Variants in PMFBP1 observed in about 807,000 individuals in gnomAD.
The protein encoded by PMFBP1 is polyamine-modulated factor 1-binding protein 1.
PMFBP1 carries 131 observed loss-of-function variants against 137.8 expected under a neutral mutation model. The observed-to-expected ratio is 0.95, with a 90% confidence interval of 0.82 to 1.10. PMFBP1 has a LOEUF of 1.10. PMFBP1 is among the 50% of genes least tolerant of loss of function. The pLI is 0.00. For missense variants in PMFBP1, 1,199 were observed against 1,175.4 expected (o/e 1.02, Z -0.29); for synonymous variants, 490 against 450.4 (o/e 1.09, Z -1.11).
At chr16:72,189,195 T>C in the PMFBP1 span, among the ~76,000 whole-genome samples, 2 of 152,108 alleles carry the variant, frequency 1.3e-5, no homozygotes, top group African/African-American at 4.8e-5. Context: ...CATTCTACAG[T>C]TGAGGAAACT....
intron 5 of PMFBP1, among the ~76,000 whole-genome samples, chr16:72,143,795 C>T (rs1379599804): frequency 5.3e-5 from 8 of 151,968 alleles, no homozygotes. Flanking sequence ...AATCCCAGCA[C>T]TTTGGGAGGC....
the PMFBP1 span, among the ~76,000 whole-genome samples, chr16:72,197,453 A>T: frequency 6.6e-6 from 1 of 152,156 alleles, no homozygotes; most frequent in Admixed American, 6.5e-5. Flanking sequence ...AGGCATATAC[A>T]CACTTAAATA....
At chr16:72,237,559 T>C in the PMFBP1 span, among the ~76,000 whole-genome samples, 1 of 152,250 alleles carries the variant, frequency 6.6e-6, no homozygotes, top group South Asian at 2.1e-4. Flanking sequence ...AATTTCTTTT[T>C]AAAAAATTTT....
chr16:72,215,462 A>C, the PMFBP1 span, among the ~76,000 whole-genome samples: 1 of 152,172 alleles, frequency 6.6e-6, no homozygotes, highest in Admixed American at 6.5e-5. Flanking sequence ...ATAATAGAAC[A>C]ACCTTCAAAA....
intron 14 of PMFBP1, among the ~76,000 whole-genome samples, chr16:72,127,111 G>A (rs1164899071): frequency 6.6e-6 from 1 of 152,166 alleles, no homozygotes; most frequent in Non-Finnish European, 1.5e-5. Flanking sequence ...GTATTCTTTG[G>A]TATTCTAGCA....
Position 72,164,846 on chromosome 16 carries a change from T to A in PMFBP1, c.83A>T (p.Asn28Ile). The change falls in exon 3 of 21, where the codon AAT becomes ATT. Residue 28 changes from asparagine (N) to isoleucine (I), a missense_variant. Transcript: ENST00000237353. ...CTGTCTCTTGCAGACATCGTGCAGATTCTTGATGTCAAGTTGCAGGCTTAA... is the reference window on the plus strand; with the variant it reads ...CTGTCTCTTGCAGACATCGTGCAGAATCTTGATGTCAAGTTGCAGGCTTAA... ...KLLSLQLDIK[N>I]LHDVCKRQRK... 6.2e-7 allele frequency: 1 copy of A among 1,610,212 alleles called. No homozygotes were observed. Among genetic ancestry groups the A allele is most frequent in the Non-Finnish European group, 8.5e-7 (1 of 1,176,708 alleles).
At chr16:72,193,724 GAAA>G in the PMFBP1 span, among the ~76,000 whole-genome samples, 2 of 134,796 alleles carry the variant, frequency 1.5e-5, no homozygotes, top group Non-Finnish European at 1.6e-5. Context: ...TATCAGTGAG[GAAA>G]AAAAAAAAAA....
At chr16:72,160,407 T>C (rs1260067816) in intron 3 of PMFBP1, among the ~76,000 whole-genome samples, 1 of 152,224 alleles carries the variant, frequency 6.6e-6, no homozygotes, top group East Asian at 1.9e-4. Flanking sequence ...AATAATCACT[T>C]GCAGCTATGT....
At chr16:72,234,034 T>C in the PMFBP1 span, among the ~76,000 whole-genome samples, 2 of 152,216 alleles carry the variant, frequency 1.3e-5, no homozygotes, top group African/African-American at 4.8e-5. Context: ...AATTTTGCTA[T>C]GAGGTTTCCT....
chr16:72,187,584 A>G, the PMFBP1 span, among the ~76,000 whole-genome samples: 1 of 152,100 alleles, frequency 6.6e-6, no homozygotes, highest in African/African-American at 2.4e-5. Flanking sequence ...CCTTTTTCCT[A>G]TAGCGGTTCT....
the PMFBP1 span, chr16:72,224,737 G>A: frequency 2.0e-5 from 3 of 152,262 alleles, no homozygotes; most frequent in Non-Finnish European, 4.4e-5. Context: ...AGTTCACACA[G>A]TGCCTGTGAA....
chr16:72,171,311 G>A (rs2043217704), intron 1 of PMFBP1, 43 bp from the exon 2 acceptor site: 10 of 1,313,866 alleles, frequency 7.6e-6, no homozygotes, highest in Admixed American at 1.9e-5. Context: ...GTATAAATGA[G>A]CCTCTGCCCT....
the PMFBP1 span, among the ~76,000 whole-genome samples, chr16:72,226,582 AT>A: frequency 1.3e-5 from 2 of 152,144 alleles, no homozygotes; most frequent in South Asian, 4.1e-4. Flanking sequence ...ATTATATATC[AT>A]TTTTAATTTT....
chr16:72,178,257 C>T (rs2043265259), upstream of PMFBP1, among the ~76,000 whole-genome samples: 1 of 152,146 alleles, frequency 6.6e-6, no homozygotes, highest in Admixed American at 6.5e-5. Context: ...GATATCAATG[C>T]ATCTTATCCC....
intron 5 of PMFBP1, among the ~76,000 whole-genome samples, chr16:72,141,094 C>T (rs140532819): frequency 5.3e-5 from 8 of 151,962 alleles, no homozygotes; most frequent in African/African-American, 1.2e-4. Flanking sequence ...GCCACCATGC[C>T]GGGCTAATTT....
At chr16:72,141,624 C>A (rs911953289) in intron 5 of PMFBP1, among the ~76,000 whole-genome samples, 2 of 151,986 alleles carry the variant, frequency 1.3e-5, no homozygotes, top group African/African-American at 2.4e-5. Context: ...AGTACATGTG[C>A]TTCTATCTTG....
chr16:72,161,103 T>TG (rs1284428904), intron 3 of PMFBP1, among the ~76,000 whole-genome samples: 3 of 149,638 alleles, frequency 2.0e-5, no homozygotes, highest in African/African-American at 7.4e-5. Context: ...ACTTTTTTTT[T>TG]TTTTTTTTTT....
At chr16:72,173,454 T>G (rs2043239069), upstream of PMFBP1, among the ~76,000 whole-genome samples, 1 of 152,216 alleles carries the variant, frequency 6.6e-6, no homozygotes, top group Non-Finnish European at 1.5e-5. Flanking sequence ...CAGCTGTAGT[T>G]GCAAGAGCCA....
chr16:72,174,277 T>C (rs75951003), upstream of PMFBP1, among the ~76,000 whole-genome samples: 1 of 152,258 alleles, frequency 6.6e-6, no homozygotes, highest in Admixed American at 6.5e-5. Context: ...TGTTTTTGTT[T>C]AGCCCCATTT....
Sources: gnomAD v4.1 joint callset for allele counts (sites outside exome capture counted in the v4.1 genomes callset) on GRCh38, gnomAD v4.1.1 for gene constraint, MANE v1.5 for transcripts, NCBI Gene and HGNC (gene_info 2026-07-23, HGNC 2026-07-21) for gene names.